Variants in PKLR observed in about 807,000 individuals in gnomAD.
PKLR encodes pyruvate kinase L/R.
In PKLR, 38 loss-of-function variants were observed where a neutral mutation model predicts 53.6. The ratio of observed to expected loss-of-function variants is 0.71; its 90% CI spans 0.55 to 0.93. The LOEUF (loss-of-function observed/expected upper bound fraction) is 0.93. PKLR is among the 40% of genes least tolerant of loss of function. The probability of loss-of-function intolerance (pLI) is 0.00; values close to 1 mark genes in which losing one functional copy is unlikely to be tolerated. For missense variants in PKLR, 702 were observed against 787.3 expected (o/e 0.89, Z 1.30); for synonymous variants, 328 against 316.2 (o/e 1.04, Z -0.39).
rs761048881 is a variant in PKLR at position 155,293,555 on chromosome 1, C to G, written c.1152G>C (p.Thr384=). 5 of 1,614,074 alleles carry G rather than the reference C, an allele frequency of 3.1e-6. No individual in the cohort carries two copies. The African/African-American group carries it at 4.0e-5, about 13-fold the overall frequency. Residue 384 remains threonine (T), a synonymous_variant, in exon 8 of 11, where the codon ACG becomes ACC. Coordinates refer to ENST00000342741, the MANE Select transcript of PKLR (RefSeq NM_000298.6). The surrounding 1 kb of genome is among the most constrained non-coding windows in gnomAD (Gnocchi z 4.2). ...TGGCGACATCGCTTGTCTCTGCCCT[C>G]GTTGGCCGGGGCTTGGTAATCATGC... ...LESMITKPRP[T]RAETSDVANA...
At chr1:155,298,352 G>A (rs890124051) in intron 2 of PKLR, among the ~76,000 whole-genome samples, 1 of 144,172 alleles carries the variant, frequency 6.9e-6, no homozygotes, top group Non-Finnish European at 1.5e-5. Flanking sequence ...TTTTGAGACG[G>A]AGTTTCGCTC....
chr1:155,291,858 C>T lies in PKLR; in HGVS notation c.1516G>A (p.Val506Ile), dbSNP rs8177988. Residue 506 changes from valine to isoleucine, a missense_variant, in exon 10 of 11, where the codon GTC becomes ATC. Val to Ile is a conservative substitution (Grantham distance 29). Transcript: ENST00000342741. The part of the protein sequence containing the change: ...VTRSAQAARQ[V>I]HLCRGVFPLL... ...GGGAAGACTCCTCGGCATAAGTGGA[C>T]CTGGCGGGCAGCCTGGGCAGAGCGG... 8,824 of 1,614,046 alleles carry T rather than the reference C, an allele frequency of 5.5e-3. 43 individuals carry two copies. Among genetic ancestry groups the T allele is most frequent in the South Asian group, 6.7e-3 (611 of 91,064 alleles).
At chr1:155,305,053 G>T (rs867589506), upstream of PKLR, among the ~76,000 whole-genome samples, 21 of 152,210 alleles carry the variant, frequency 1.4e-4, no homozygotes, top group Middle Eastern at 3.4e-3. Context: ...GGGTGAGGTT[G>T]AGCATTTACC....
chr1:155,303,051 C>CA (rs1300062430), upstream of PKLR, among the ~76,000 whole-genome samples: 6 of 152,288 alleles, frequency 3.9e-5, no homozygotes, highest in East Asian at 1.2e-3. Context: ...CTCCTATAAA[C>CA]ACCATACCCC....
At position 155,293,735 on chromosome 1, in the gene PKLR, A is replaced by G; in HGVS notation, c.1117-145T>C. On this transcript the variant is annotated intron_variant, in intron 7 of 10. Coordinates refer to ENST00000342741, the MANE Select transcript of PKLR (RefSeq NM_000298.6). This position sits in a 1 kb window ranked among gnomAD's most constrained non-coding sequence, Gnocchi z 4.2. ...AACCCCTGAAAATAGGAGTCAAAGT[A>G]TATTTAACTTTGTCGTTTGGTCACA... 1 of 791,890 alleles carries G rather than the reference A, an allele frequency of 1.3e-6. No homozygotes were observed. Among genetic ancestry groups the G allele is most frequent in the Non-Finnish European group, 2.1e-6 (1 of 471,852 alleles). The allele number at this position is 791,890 out of a possible 1,614,324, so 49.1% of individuals were successfully genotyped here.
In PKLR at chr1:155,293,561, C is replaced by T. The variant is rs764709204; in HGVS notation, c.1146G>A (p.Arg382=). The T allele has an allele frequency of 3.7e-6, 6 of 1,614,160 alleles. No individual in the cohort carries two copies. In the Admixed American group the frequency reaches 1.0e-4, roughly 27 times the overall value. ...CATCGCTTGTCTCTGCCCTCGTTGG[C>T]CGGGGCTTGGTAATCATGCTCTCCA... ...QMLESMITKP[R]PTRAETSDVA... is the part of the protein sequence containing the mutation. The change falls in exon 8 of 11, where the codon CGG becomes CGA. Residue 382 remains arginine, a synonymous_variant. Coordinates refer to ENST00000342741, the MANE Select transcript of PKLR (RefSeq NM_000298.6). The surrounding 1 kb of genome is among the most constrained non-coding windows in gnomAD (Gnocchi z 4.2).
At position 155,295,259 on chromosome 1, in the gene PKLR, A is replaced by G; in HGVS notation, c.551T>C (p.Leu184Pro). 1 of 1,614,086 alleles carries G rather than the reference A, an allele frequency of 6.2e-7. No individual in the cohort carries two copies. The highest frequency in any genetic ancestry group is 2.2e-5 in the East Asian group (1 of 44,862). ...EVELVKGSQVLVTVDPAFRTR... is the reference protein window; with the variant it reads ...EVELVKGSQVPVTVDPAFRTR... ...CCGGAACGCGGGGTCCACAGTCACC[A>G]GCACCTGGGAGCCCTTCACCAGCTC... The change falls in exon 5 of 11, where the codon CTG becomes CCG. Residue 184 changes from leucine (L) to proline (P), a missense_variant. Leu to Pro is a moderately conservative substitution (Grantham distance 98, BLOSUM62 -3). Around this residue, in one of 2 missense-constraint regions of PKLR, gnomAD observed 519 missense variants for 537.1 expected, o/e 0.97. Coordinates refer to ENST00000342741, the MANE Select transcript of PKLR (RefSeq NM_000298.6). The surrounding 1 kb of genome is among the most constrained non-coding windows in gnomAD (Gnocchi z 4.3).
chr1:155,295,145 C>CCGT lies in PKLR; in HGVS notation c.662_664dup (p.Asp221dup). 3 of 1,614,120 alleles carry CCGT rather than the reference C, an allele frequency of 1.9e-6. No homozygotes were observed. In the East Asian group the frequency reaches 6.7e-5, roughly 36 times the overall value. On this transcript the variant is annotated inframe_insertion, in exon 5 of 11. Transcript: ENST00000342741. The surrounding 1 kb of genome is among the most constrained non-coding windows in gnomAD (Gnocchi z 4.3). ...TTTCTGGACCACTAGGGAGATGAGC[C>CCGT]CGTCGTCAATGTAGATGCGGCCCCC...
chr1:155,300,182 C>T lies in PKLR; in HGVS notation c.199G>A (p.Asp67Asn). ...AGGCAGAGGTGTTCCAGGAAGGTGT[C>T]TGCCATAGCAGCTGGCAGCTGCTGC... ...QQQQLPAAMA[D>N]TFLEHLCLLD... Residue 67 changes from aspartate (D) to asparagine (N), a missense_variant, in exon 2 of 11, where the codon GAC becomes AAC. Asp to Asn is a conservative substitution (Grantham distance 23, BLOSUM62 1). Transcript: ENST00000342741. The T allele has an allele frequency of 1.9e-6, 3 of 1,614,084 alleles. No individual in the cohort carries two copies. The highest frequency in any genetic ancestry group is 2.5e-6 in the Non-Finnish European group (3 of 1,180,026).
In PKLR at chr1:155,295,599, G is replaced by A. The variant is rs374177297; in HGVS notation, c.376-31C>T. ...GGAGGGAGCGGAGCGAGGGTTTCAG[G>A]GGAAGGTGGCCAGGACCTCGAGGCA... On this transcript the variant is annotated intron_variant, in intron 3 of 10. Coordinates refer to ENST00000342741, the MANE Select transcript of PKLR (RefSeq NM_000298.6). This position sits in a 1 kb window ranked among gnomAD's most constrained non-coding sequence, Gnocchi z 4.3. The A allele has an allele frequency of 2.5e-6, 4 of 1,613,964 alleles. No individual in the cohort carries two copies. Among genetic ancestry groups the A allele is most frequent in the Non-Finnish European group, 3.4e-6 (4 of 1,180,022 alleles).
At position 155,295,362 on chromosome 1, in the gene PKLR, G is replaced by T; in HGVS notation, c.508-60C>A. 2 of 1,612,976 alleles carry T rather than the reference G, an allele frequency of 1.2e-6. No homozygotes were observed. The highest frequency in any genetic ancestry group is 1.7e-6 in the Non-Finnish European group (2 of 1,179,350). ...GCCCCGGAGTCCGGGACCCGCCCCT[G>T]CCCACGCCTGGGCCCAACCCTACAG... On this transcript the variant is annotated intron_variant, in intron 4 of 10. Coordinates refer to ENST00000342741, the MANE Select transcript of PKLR (RefSeq NM_000298.6). The surrounding 1 kb of genome is among the most constrained non-coding windows in gnomAD (Gnocchi z 4.3).
chr1:155,307,802 C>A, the PKLR span, among the ~76,000 whole-genome samples: 3 of 152,090 alleles, frequency 2.0e-5, no homozygotes, highest in East Asian at 3.8e-4. Context: ...TCTGGAGAAA[C>A]CCCCTCTCTA....
chr1:155,291,617 T>A, intron 10 of PKLR, 139 bp downstream of exon 10: 1 of 765,318 alleles, frequency 1.3e-6, no homozygotes, highest in Admixed American at 1.9e-5. Context: ...CAGACTGATA[T>A]CTCAGTCTTA....
chr1:155,301,483 A>G, upstream of PKLR: 1 of 1,595,786 alleles, frequency 6.3e-7, no homozygotes, highest in South Asian at 1.1e-5. Flanking sequence ...GGAGACAGAG[A>G]AGAGAAAAGG....
Sources: gnomAD v4.1 joint callset for allele counts (sites outside exome capture counted in the v4.1 genomes callset) on GRCh38, gnomAD v4.1.1 for gene constraint, gnomAD v4.1.1 regional missense constraint, Gnocchi (gnomAD v3.1) non-coding constraint, MANE v1.5 for transcripts, NCBI Gene and HGNC (gene_info 2026-07-23, HGNC 2026-07-21) for gene names.